The following UBE2U variants were observed in gnomAD, a reference collection of about 807,000 sequenced individuals.
The protein encoded by UBE2U is ubiquitin-conjugating enzyme E2 U.
A neutral mutation model predicts 41.2 loss-of-function variants in UBE2U; 39 were observed. The observed-to-expected ratio is 0.95, with a 90% CI of 0.73 to 1.24. UBE2U has a LOEUF of 1.24. Among genes scored for constraint, UBE2U ranks in the 50% most tolerant of loss-of-function variants. The pLI is 0.00. For missense variants in UBE2U, 336 were observed against 363.1 expected (o/e 0.93, Z 0.61); for synonymous variants, 107 against 117.8 (o/e 0.91, Z 0.60).
At chr1:64,266,330 T>G (rs750759441) in intron 9 of UBE2U, among the ~76,000 whole-genome samples, 26 of 152,210 alleles carry the variant, frequency 1.7e-4, no homozygotes, top group Non-Finnish European at 3.1e-4. Flanking sequence ...CACGAAACTT[T>G]CTGTATACTA....
rs1645268751 is a variant in UBE2U at position 64,267,249 on chromosome 1, A to G, written c.*41A>G. 1.4e-6 allele frequency: 2 copies of G among 1,437,328 alleles called. No individual in the cohort carries two copies. The highest frequency in any genetic ancestry group is 5.2e-5 in the East Asian group (2 of 38,446). 89.0% of individuals were successfully genotyped at this position (1,437,328 alleles called of 1,614,324 possible). Reference sequence around the variant, plus strand: ...ATTCAAAAAATAAACAGCCTCCGCCATAGCCCAGCGTTGTGGAGCAATTTT... The same window carrying G: ...ATTCAAAAAATAAACAGCCTCCGCCGTAGCCCAGCGTTGTGGAGCAATTTT... On this transcript the variant is annotated 3_prime_UTR_variant, in exon 10 of 10. Transcript: ENST00000371077.
intron 1 of UBE2U, among the ~76,000 whole-genome samples, chr1:64,205,060 C>T (rs544026518): frequency 1.4e-4 from 22 of 152,250 alleles, no homozygotes; most frequent in Admixed American, 3.3e-4. Context: ...TACTTAATAA[C>T]TATGTGGATG....
In UBE2U at chr1:64,239,045, AAAG is replaced by A. The variant is rs552575122; in HGVS notation, c.596-2587_596-2585del. Reference sequence around the variant, plus strand: ...TGACAAAGTGAGACCCCCATCTCAAAAAGAAGAAGAAGAAGAAGAAGAGGAAGA... The same window carrying A: ...TGACAAAGTGAGACCCCCATCTCAAAAAGAAGAAGAAGAAGAAGAGGAAGA... On this transcript the variant is annotated intron_variant, in intron 7 of 9. Transcript: ENST00000371077. Among the ~76,000 whole-genome samples, 124 of 116,226 alleles carry A rather than the reference AAAG, an allele frequency of 1.1e-3. 3 individuals carry two copies. Among genetic ancestry groups the A allele is most frequent in the Admixed American group, 7.7e-4 (8 of 10,374 alleles). 76.2% of individuals were successfully genotyped at this position (116,226 alleles called of 152,430 possible). A position where few individuals can be genotyped will look rare whatever the true frequency, so the allele number is the denominator to read the frequency against.
At chr1:64,248,413 A>G (rs902711567) in intron 8 of UBE2U, among the ~76,000 whole-genome samples, 2 of 152,206 alleles carry the variant, frequency 1.3e-5, no homozygotes, top group African/African-American at 4.8e-5. Flanking sequence ...AGAAAATGTT[A>G]CCAAAAGTCA....
intron 6 of UBE2U, among the ~76,000 whole-genome samples, chr1:64,229,389 C>T (rs772007271): frequency 5.9e-5 from 9 of 152,114 alleles, no homozygotes; most frequent in Non-Finnish European, 8.8e-5. Flanking sequence ...CCAGCTGACA[C>T]CTAAGTGCTG....
intron 3 of UBE2U, among the ~76,000 whole-genome samples, chr1:64,210,326 G>T (rs148240421): frequency 6.6e-6 from 1 of 152,218 alleles, no homozygotes; most frequent in Admixed American, 6.5e-5. Flanking sequence ...CTGGAGGGAG[G>T]TTGTGCCCAT....
At chr1:64,259,694 T>A (rs1041998944) in intron 8 of UBE2U, among the ~76,000 whole-genome samples, 8 of 152,054 alleles carry the variant, frequency 5.3e-5, no homozygotes, top group African/African-American at 1.9e-4. Context: ...AAAGTAGTCG[T>A]CCCCCAAAAA....
intron 8 of UBE2U, among the ~76,000 whole-genome samples, chr1:64,256,186 C>T (rs1040759405): frequency 6.6e-6 from 1 of 152,056 alleles, no homozygotes; most frequent in African/African-American, 2.4e-5. Context: ...TGAAAATGGC[C>T]ATACTGCCCA....
chr1:64,210,850 AT>A lies in UBE2U; in HGVS notation c.339+14del, dbSNP rs776725227. ...TTACTTGCCCTACAGGTAAGAATGG[AT>A]TTCATATAATCCTCTCTTTAATACT... On this transcript the variant is annotated intron_variant, in intron 4 of 9. Transcript: ENST00000371077. 24 of 1,559,672 alleles carry A rather than the reference AT, an allele frequency of 1.5e-5. No homozygotes were observed. In the African/African-American group the frequency reaches 3.0e-4, roughly 20 times the overall value.
Position 64,204,379 on chromosome 1 carries a change from G to A in UBE2U, c.66+263G>A, listed in dbSNP as rs185147751. Among the ~76,000 whole-genome samples the A allele has an allele frequency of 1.1e-4, 16 of 152,268 alleles. No individual in the cohort carries two copies. The East Asian group carries it at 3.1e-3, about 29-fold the overall frequency. ...ATCTAGGCACTGAATATCAGGGTCT[G>A]TCATGTAGTTAGTGACTAGTAGGTG... On this transcript the variant is annotated intron_variant, in intron 1 of 9. Coordinates refer to ENST00000371077, the MANE Select transcript of UBE2U (RefSeq NM_001366232.2).
At chr1:64,261,221 T>C (rs932617171) in intron 9 of UBE2U, among the ~76,000 whole-genome samples, 10 of 152,242 alleles carry the variant, frequency 6.6e-5, no homozygotes, top group Admixed American at 4.6e-4. Context: ...CATTTGGGGA[T>C]AGAGAACTTA....
chr1:64,256,632 A>C (rs140512324), intron 8 of UBE2U, among the ~76,000 whole-genome samples: 3,209 of 152,338 alleles, frequency 0.021, 52 homozygotes, highest in Middle Eastern at 0.037. Flanking sequence ...GATGGATTAG[A>C]GACTTAAATG....
In UBE2U at chr1:64,241,504, T is replaced by C. The variant is rs1644834127; in HGVS notation, c.596-148T>C. On this transcript the variant is annotated intron_variant, in intron 7 of 9. Transcript: ENST00000371077. ...ATAAAAGCAAGTAATTTGGAAAGTT[T>C]CTAAGGATTGTAATATGACTTGAAT... 7.6e-6 allele frequency: 4 copies of C among 524,760 alleles called. No individual in the cohort carries two copies. In the South Asian group the frequency reaches 1.3e-4, roughly 18 times the overall value. The allele number at this position is 524,760 out of a possible 1,614,324, so 32.5% of individuals were successfully genotyped here.
chr1:64,247,517 G>A (rs1015866894), intron 8 of UBE2U, among the ~76,000 whole-genome samples: 2 of 152,122 alleles, frequency 1.3e-5, no homozygotes, highest in African/African-American at 4.8e-5. Flanking sequence ...GAGGGTGGAG[G>A]AGTATGGCGG....
chr1:64,220,315 A>G (rs1652351725), intron 5 of UBE2U, among the ~76,000 whole-genome samples: 1 of 152,144 alleles, frequency 6.6e-6, no homozygotes, highest in South Asian at 2.1e-4. Flanking sequence ...TGACAGCTGG[A>G]CGAGGGGAGA....
chr1:64,250,183 TA>T (rs1386927832), intron 8 of UBE2U, among the ~76,000 whole-genome samples: 1 of 152,114 alleles, frequency 6.6e-6, no homozygotes, highest in Non-Finnish European at 1.5e-5. Flanking sequence ...AAGCTCTCTC[TA>T]AAATGAAGGT....
At chr1:64,250,943 T>C (rs1268622084) in intron 8 of UBE2U, among the ~76,000 whole-genome samples, 1 of 149,424 alleles carries the variant, frequency 6.7e-6, no homozygotes, top group Non-Finnish European at 1.5e-5. Flanking sequence ...GGTATAGCAT[T>C]AGGAGATACA....
intron 4 of UBE2U, among the ~76,000 whole-genome samples, chr1:64,212,668 T>A (rs997168486): frequency 1.3e-5 from 2 of 152,180 alleles, no homozygotes; most frequent in Non-Finnish European, 2.9e-5. Flanking sequence ...ATATTTGCAT[T>A]ACATATACTT....
rs1462994604 is a variant in UBE2U at position 64,241,488 on chromosome 1, A to G, written c.596-164A>G. 2.0e-5 allele frequency among the ~76,000 whole-genome samples: 3 copies of G among 152,340 alleles called. No homozygotes were observed. The East Asian group carries it at 5.8e-4, about 29-fold the overall frequency. ...ATATTATGATGTTCCAATAAAAGCA[A>G]GTAATTTGGAAAGTTTCTAAGGATT... On this transcript the variant is annotated intron_variant, in intron 7 of 9. Transcript: ENST00000371077.
Sources: allele counts gnomAD v4.1 joint callset (sites outside exome capture counted in the v4.1 genomes callset), GRCh38; gene constraint gnomAD v4.1.1; transcripts MANE v1.5; gene names NCBI Gene and HGNC (gene_info 2026-07-23, HGNC 2026-07-21).